The following ADAMTSL1 variants were observed in gnomAD, a reference collection of about 807,000 sequenced individuals.
The protein encoded by ADAMTSL1 is ADAMTS-like protein 1.
Under a neutral mutation model 201.8 loss-of-function variants are expected in ADAMTSL1, and 126 were observed. The ratio of observed to expected loss-of-function variants is 0.62; its 90% CI spans 0.54 to 0.72. The LOEUF is 0.72. Ranked by LOEUF, ADAMTSL1 falls within the 30% of genes least tolerant of loss-of-function variation. ADAMTSL1 has a pLI of 0.00. For missense variants in ADAMTSL1, 2,679 were observed against 2,277.8 expected, an observed-to-expected ratio of 1.18 and a Z score of -3.59; for synonymous variants, 1,121 against 903.4, an observed-to-expected ratio of 1.24 and a Z score of -4.32.
At chr9:18,803,257 A>G (rs888416036) in intron 20 of ADAMTSL1, among the ~76,000 whole-genome samples, 2 of 152,154 alleles carry the variant, frequency 1.3e-5, no homozygotes, top group Non-Finnish European at 2.9e-5. Flanking sequence ...ACTTAGGTCT[A>G]TGGTCTGTGT....
At chr9:18,249,745 C>T (rs921056151) in intron 2 of ADAMTSL1, among the ~76,000 whole-genome samples, 4 of 152,158 alleles carry the variant, frequency 2.6e-5, no homozygotes, top group Admixed American at 6.5e-5. Context: ...CCTCATGTTA[C>T]TCTCAACCAA....
chr9:18,311,666 G>T (rs543854035), intron 2 of ADAMTSL1, among the ~76,000 whole-genome samples: 22 of 152,176 alleles, frequency 1.4e-4, no homozygotes, highest in African/African-American at 1.9e-4. Flanking sequence ...AATCATTCAT[G>T]ATTTCAATAA....
chr9:18,867,290 G>C (rs1240345632), intron 23 of ADAMTSL1, among the ~76,000 whole-genome samples: 1 of 152,230 alleles, frequency 6.6e-6, no homozygotes. Context: ...AAGTTGGACA[G>C]ATTATAAAAT....
intron 2 of ADAMTSL1, among the ~76,000 whole-genome samples, chr9:18,370,444 C>T (rs1214811347): frequency 1.3e-5 from 2 of 152,108 alleles, no homozygotes; most frequent in Non-Finnish European, 2.9e-5. Flanking sequence ...CATATGTACC[C>T]CCCCCGAATC....
chr9:18,721,552 G>A lies in ADAMTSL1; in HGVS notation c.1893G>A (p.Val631=). 7 of 1,613,936 alleles carry A rather than the reference G, an allele frequency of 4.3e-6. No homozygotes were observed. The highest frequency in any genetic ancestry group is 5.9e-6 in the Non-Finnish European group (7 of 1,179,884). The change falls in exon 15 of 29, where the codon GTG becomes GTA. Residue 631 remains valine, a synonymous_variant. Coordinates refer to ENST00000380548, the MANE Select transcript of ADAMTSL1 (RefSeq NM_001040272.6). ...ESCGGGVQEA[V]VSCLNKQTRE... ...TGTACACAGGTGTCCAGGAGGCTGT[G>A]GTGAGCTGCTTGAACAAACAGACTC...
intron 1 of ADAMTSL1, among the ~76,000 whole-genome samples, chr9:17,960,258 A>G (rs926156594): frequency 6.6e-6 from 1 of 152,192 alleles, no homozygotes; most frequent in Non-Finnish European, 1.5e-5. Context: ...CGCTTGCTAC[A>G]AACTGTAGAT....
intron 2 of ADAMTSL1, among the ~76,000 whole-genome samples, chr9:18,456,206 C>G (rs1215730454): frequency 6.6e-6 from 1 of 152,136 alleles, no homozygotes; most frequent in Non-Finnish European, 1.5e-5. Context: ...GTTTTTCATA[C>G]TCCTTTGAGT....
At chr9:18,435,026 T>C (rs1324854636) in intron 2 of ADAMTSL1, among the ~76,000 whole-genome samples, 2 of 152,206 alleles carry the variant, frequency 1.3e-5, no homozygotes, top group Admixed American at 1.3e-4. Flanking sequence ...GCTAAATGCA[T>C]GCTTTGTAAC....
Position 18,874,277 on chromosome 9 carries a change from G to A in ADAMTSL1, c.4250-13554G>A, listed in dbSNP as rs1161770240. Among the ~76,000 whole-genome samples, 6 of 151,908 alleles carry A rather than the reference G, an allele frequency of 3.9e-5. No homozygotes were observed. In the East Asian group the frequency reaches 9.6e-4, roughly 24 times the overall value. On this transcript the variant is annotated intron_variant, in intron 23 of 28. Transcript: ENST00000380548. ...ACTTCCTCTTTACCGATTTGGATGCGCTTTCTTTCTTTTCTTTCTCTTGTC... is the reference window on the plus strand; with the variant it reads ...ACTTCCTCTTTACCGATTTGGATGCACTTTCTTTCTTTTCTTTCTCTTGTC...
chr9:18,900,325 G>A (rs1341077914), intron 26 of ADAMTSL1, among the ~76,000 whole-genome samples: 1 of 152,172 alleles, frequency 6.6e-6, no homozygotes, highest in South Asian at 2.1e-4. Context: ...TCACACTGTT[G>A]GTGAGAATAT....
intron 25 of ADAMTSL1, among the ~76,000 whole-genome samples, chr9:18,892,099 T>C (rs1299213732): frequency 6.6e-6 from 1 of 152,240 alleles, no homozygotes; most frequent in Non-Finnish European, 1.5e-5. Flanking sequence ...ACACTTGTTA[T>C]GGCAGGCATT....
At chr9:18,872,069 T>C (rs373686405) in intron 23 of ADAMTSL1, among the ~76,000 whole-genome samples, 29 of 152,296 alleles carry the variant, frequency 1.9e-4, no homozygotes, top group African/African-American at 6.7e-4. Flanking sequence ...TTCTCATCTT[T>C]GCACCTTTGC....
intron 8 of ADAMTSL1, among the ~76,000 whole-genome samples, chr9:18,661,090 A>C (rs904732133): frequency 6.6e-6 from 1 of 152,198 alleles, no homozygotes; most frequent in African/African-American, 2.4e-5. Flanking sequence ...CACCCCGAGA[A>C]TCTAAGTCTT....
intron 2 of ADAMTSL1, among the ~76,000 whole-genome samples, chr9:18,290,178 C>A (rs1443136069): frequency 6.6e-6 from 1 of 152,138 alleles, no homozygotes; most frequent in Non-Finnish European, 1.5e-5. Context: ...CCTCCACGTT[C>A]CTTGATAAAA....
chr9:18,784,603 A>G (rs1014991175), intron 19 of ADAMTSL1, among the ~76,000 whole-genome samples: 2 of 152,188 alleles, frequency 1.3e-5, no homozygotes, highest in Non-Finnish European at 2.9e-5. Context: ...ATTCTGTGAC[A>G]CAACTGTGCA....
intron 1 of ADAMTSL1, among the ~76,000 whole-genome samples, chr9:17,999,761 C>A (rs543904946): frequency 1.3e-5 from 2 of 150,150 alleles, no homozygotes; most frequent in Non-Finnish European, 3.0e-5. Flanking sequence ...CCGCTCCCCC[C>A]ACCCCACCAC....
chr9:18,573,139 A>G (rs1489292241), intron 3 of ADAMTSL1, among the ~76,000 whole-genome samples: 1 of 152,156 alleles, frequency 6.6e-6, no homozygotes, highest in Non-Finnish European at 1.5e-5. Flanking sequence ...ATCTCTAACA[A>G]TATAATTTAC....
At chr9:17,935,038 CT>C (rs1203896205) in intron 1 of ADAMTSL1, among the ~76,000 whole-genome samples, 1 of 151,718 alleles carries the variant, frequency 6.6e-6, no homozygotes, top group Non-Finnish European at 1.5e-5. Flanking sequence ...TATTTATCTT[CT>C]TTTATTATCT....
intron 7 of ADAMTSL1, among the ~76,000 whole-genome samples, chr9:18,642,889 C>T (rs986523135): frequency 2.0e-5 from 3 of 151,956 alleles, no homozygotes; most frequent in African/African-American, 7.2e-5. Context: ...GCAGTGAACA[C>T]GAGAGTGTAG....
Sources: gnomAD v4.1 joint callset for allele counts (sites outside exome capture counted in the v4.1 genomes callset) on GRCh38, gnomAD v4.1.1 for gene constraint, MANE v1.5 for transcripts, NCBI Gene and HGNC (gene_info 2026-07-23, HGNC 2026-07-21) for gene names.